Variants in VWA2 observed in about 807,000 individuals in gnomAD.
VWA2 encodes von Willebrand factor A domain containing 2, also known as von Willebrand factor A domain-containing protein 2.
In VWA2, 73 loss-of-function variants were observed where a neutral mutation model predicts 70.4. That is an observed-to-expected ratio of 1.04 (90% CI 0.86 to 1.26). VWA2 has a LOEUF of 1.26. Ranked by LOEUF, VWA2 falls within the 50% of genes most tolerant of loss-of-function variation. The probability of loss-of-function intolerance (pLI) is 0.00; values close to 1 mark genes in which losing one functional copy is unlikely to be tolerated. For missense variants in VWA2, 1,011 were observed against 998.5 expected (o/e 1.01, Z -0.17); for synonymous variants, 407 against 423.3 (o/e 0.96, Z 0.47).
intron 11 of VWA2, among the ~76,000 whole-genome samples, chr10:114,286,980 G>A (rs1306717597): frequency 1.3e-5 from 2 of 152,180 alleles, no homozygotes; most frequent in Admixed American, 6.5e-5. Flanking sequence ...ACGCGCTGGT[G>A]CAGCCACACA....
intron 11 of VWA2, among the ~76,000 whole-genome samples, chr10:114,288,156 A>T (rs960159340): frequency 6.6e-6 from 1 of 152,176 alleles, no homozygotes; most frequent in African/African-American, 2.4e-5. Flanking sequence ...TCCCCTGCAC[A>T]GGAGAGGCCT....
chr10:114,280,933 G>A (rs924940555), intron 8 of VWA2: 1 of 152,016 alleles, frequency 6.6e-6, no homozygotes, highest in Non-Finnish European at 1.5e-5. Context: ...TATAGATGGG[G>A]TCTCACTATG....
At chr10:114,284,709 C>T (rs1243060961) in intron 9 of VWA2, among the ~76,000 whole-genome samples, 154 bp from the exon 10 acceptor site, 1 of 152,188 alleles carries the variant, frequency 6.6e-6, no homozygotes, top group Non-Finnish European at 1.5e-5. Flanking sequence ...CAGTGCTTTC[C>T]CCTCTCTGCT....
intron 2 of VWA2, among the ~76,000 whole-genome samples, chr10:114,249,858 T>C (rs2037158717): frequency 1.3e-5 from 2 of 152,196 alleles, no homozygotes; most frequent in Non-Finnish European, 2.9e-5. Flanking sequence ...TCTGTGGCTC[T>C]TAAGAGGCTT....
chr10:114,276,967 C>A (rs562076087), intron 6 of VWA2, among the ~76,000 whole-genome samples: 2 of 152,040 alleles, frequency 1.3e-5, no homozygotes, highest in Admixed American at 1.3e-4. Flanking sequence ...TGCAACGCCT[C>A]CCCTGTGCAC....
At chr10:114,248,874 C>T in intron 2 of VWA2, 109 bp downstream of exon 2, 1 of 1,037,950 alleles carries the variant, frequency 9.6e-7, no homozygotes, top group Admixed American at 1.7e-5. Flanking sequence ...AATCCACCTG[C>T]ATCTCCCCTC....
chr10:114,277,382 T>C (rs1240492890), intron 6 of VWA2, among the ~76,000 whole-genome samples: 1 of 151,562 alleles, frequency 6.6e-6, no homozygotes, highest in Non-Finnish European at 1.5e-5. Context: ...TGGGGTTTCA[T>C]CATGTTAGCT....
intron 5 of VWA2, among the ~76,000 whole-genome samples, chr10:114,271,121 A>G (rs1352006518): frequency 6.6e-6 from 1 of 152,140 alleles, no homozygotes; most frequent in Non-Finnish European, 1.5e-5. Context: ...TTCTTCAACT[A>G]GACTGGGAGT....
chr10:114,256,716 C>A lies in VWA2; in HGVS notation c.261+1668C>A, dbSNP rs181929030. ...ACGAGGTCAGGAGATTGAGACCGTC[C>A]TGGCTAACATGATGAAACCTTGTCT... is the stretch of plus-strand genomic sequence containing the variant. On this transcript the variant is annotated intron_variant, in intron 4 of 13. Transcript: ENST00000392982. Among the ~76,000 whole-genome samples the A allele has an allele frequency of 3.9e-3, 587 of 152,188 alleles. 3 individuals carry two copies. Among genetic ancestry groups the A allele is most frequent in the African/African-American group, 0.013 (545 of 41,508 alleles).
At chr10:114,262,007 A>T (rs1347167979) in intron 5 of VWA2, among the ~76,000 whole-genome samples, 1 of 152,102 alleles carries the variant, frequency 6.6e-6, no homozygotes, top group Non-Finnish European at 1.5e-5. Context: ...GAGGTGACAC[A>T]CATTTTAAAA....
At chr10:114,290,188 G>C (rs1051973713) in intron 12 of VWA2, 52 bp from the exon 13 acceptor site, 39 of 1,542,002 alleles carry the variant, frequency 2.5e-5, no homozygotes, top group Middle Eastern at 1.7e-4. Flanking sequence ...AGGGGTCTTC[G>C]GGTCTAACCC....
chr10:114,282,921 G>T (rs1433954551), intron 9 of VWA2, among the ~76,000 whole-genome samples: 1 of 152,194 alleles, frequency 6.6e-6, no homozygotes, highest in Non-Finnish European at 1.5e-5. Flanking sequence ...AAACATAGTG[G>T]TTTGTCCGAT....
Position 114,284,907 on chromosome 10 carries a change from C to T in VWA2, c.934C>T (p.Pro312Ser). 2 of 1,606,218 alleles carry T rather than the reference C, an allele frequency of 1.2e-6. No individual in the cohort carries two copies. The highest frequency in any genetic ancestry group is 1.1e-5 in the South Asian group (1 of 89,390). ...CTGCCAGAATGGAGGCACATGTGTT[C>T]CAGAAGGACTGGACGGCTACCAGTG... ...QPCQNGGTCV[P>S]EGLDGYQCLC... Residue 312 changes from proline to serine, a missense_variant, in exon 10 of 14, where the codon CCA (proline) becomes TCA (serine). Physicochemically the swap from Pro to Ser is moderately conservative, Grantham distance 74. Coordinates refer to ENST00000392982, the MANE Select transcript of VWA2 (RefSeq NM_001272046.2).
chr10:114,284,723 G>A lies in VWA2; in HGVS notation c.890-140G>A, dbSNP rs574807580. On this transcript the variant is annotated intron_variant, in intron 9 of 13. Transcript: ENST00000392982. ...ACAGTGCTTTCCCCTCTCTGCTGCA[G>A]ATTTCCTGGTGGACTGTGGGGGAAG... is the stretch of plus-strand genomic sequence containing the variant. The A allele has an allele frequency of 2.6e-5, 20 of 766,270 alleles. No individual in the cohort carries two copies. The African/African-American group carries it at 2.9e-4, about 11-fold the overall frequency. 47.5% of individuals were successfully genotyped at this position (766,270 alleles called of 1,614,324 possible).
chr10:114,272,489 C>T (rs1012978890), intron 5 of VWA2, among the ~76,000 whole-genome samples: 2 of 152,192 alleles, frequency 1.3e-5, no homozygotes, highest in Non-Finnish European at 2.9e-5. Flanking sequence ...GAGAAAAACA[C>T]ACCCAACACA....
At chr10:114,248,169 A>G (rs1161732787) in intron 1 of VWA2, among the ~76,000 whole-genome samples, 2 of 151,662 alleles carry the variant, frequency 1.3e-5, no homozygotes, top group Admixed American at 1.3e-4. Flanking sequence ...AATTTAGATG[A>G]TTAGTGGATA....
At chr10:114,253,847 G>A in intron 3 of VWA2, 122 bp downstream of exon 3, 1 of 948,346 alleles carries the variant, frequency 1.1e-6, no homozygotes, top group Non-Finnish European at 1.6e-6. Flanking sequence ...TCATGCTCTG[G>A]CCAGAGTCAT....
chr10:114,269,198 T>C (rs1159139393), intron 5 of VWA2, among the ~76,000 whole-genome samples: 1 of 152,182 alleles, frequency 6.6e-6, no homozygotes, highest in Non-Finnish European at 1.5e-5. Flanking sequence ...GCCTGTGCAG[T>C]GGGCAGCCTG....
At chr10:114,256,933 T>C (rs774731683) in intron 4 of VWA2, among the ~76,000 whole-genome samples, 2 of 121,470 alleles carry the variant, frequency 1.6e-5, no homozygotes, top group Non-Finnish European at 3.6e-5. Context: ...AAAAAAAAAA[T>C]TAAGAGATGA....
Sources: allele counts gnomAD v4.1 joint callset (sites outside exome capture counted in the v4.1 genomes callset), GRCh38; gene constraint gnomAD v4.1.1; transcripts MANE v1.5; gene names NCBI Gene and HGNC (gene_info 2026-07-23, HGNC 2026-07-21).